The following KRABD5 variants were observed in gnomAD, a reference collection of about 807,000 sequenced individuals.
KRABD5 encodes the protein KRAB domain containing 5.
At chr16:31,740,467 T>A in the KRABD5 span, among the ~76,000 whole-genome samples, 1 of 152,126 alleles carries the variant, frequency 6.6e-6, no homozygotes, top group African/African-American at 2.4e-5. Flanking sequence ...TTTTGTCTTC[T>A]TTTGTTAATT....
chr16:31,748,859 G>A, the KRABD5 span, among the ~76,000 whole-genome samples: 1 of 152,108 alleles, frequency 6.6e-6, no homozygotes, highest in African/African-American at 2.4e-5. Flanking sequence ...TCTGAACTCC[G>A]GGGGGCACCA....
the KRABD5 span, among the ~76,000 whole-genome samples, chr16:31,725,025 C>T: frequency 0.6 from 91,788 of 152,044 alleles, 28,750 homozygotes; most frequent in Middle Eastern, 0.71. Context: ...CTACCTTCTT[C>T]ATTATGCTGA....
At chr16:31,749,527 G>A in the KRABD5 span, among the ~76,000 whole-genome samples, 3 of 152,246 alleles carry the variant, frequency 2.0e-5, no homozygotes, top group Non-Finnish European at 2.9e-5. Flanking sequence ...CCAGCTGAGA[G>A]GCTGTTGAGA....
At chr16:31,753,573 C>T in the KRABD5 span, among the ~76,000 whole-genome samples, 1 of 152,184 alleles carries the variant, frequency 6.6e-6, no homozygotes, top group African/African-American at 2.4e-5. Context: ...CACCTAGGTG[C>T]TGCAAACTCA....
chr16:31,754,263 A>G, the KRABD5 span: 2 of 634,824 alleles, frequency 3.2e-6, no homozygotes, highest in Non-Finnish European at 5.6e-6. Flanking sequence ...ATCTTTGTTA[A>G]AAGTTTGTTT....
At chr16:31,747,802 C>G in the KRABD5 span, among the ~76,000 whole-genome samples, 1 of 152,310 alleles carries the variant, frequency 6.6e-6, no homozygotes, top group South Asian at 2.1e-4. Flanking sequence ...TGAGAAGTGT[C>G]TGTTCATGTC....
chr16:31,727,448 A>C, the KRABD5 span, among the ~76,000 whole-genome samples: 71 of 152,324 alleles, frequency 4.7e-4, no homozygotes, highest in East Asian at 1.7e-3. Flanking sequence ...GAGCGAGGCT[A>C]CCCTGTAGGC....
the KRABD5 span, among the ~76,000 whole-genome samples, chr16:31,750,128 G>C: frequency 6.6e-6 from 1 of 152,142 alleles, no homozygotes; most frequent in African/African-American, 2.4e-5. Context: ...ATTGCTTTGG[G>C]CAGTATGGCC....
At chr16:31,738,449 AAT>A in the KRABD5 span, among the ~76,000 whole-genome samples, 3 of 152,146 alleles carry the variant, frequency 2.0e-5, no homozygotes, top group African/African-American at 7.2e-5. Flanking sequence ...ATAATTATAT[AAT>A]GCTCTTTCTT....
the KRABD5 span, among the ~76,000 whole-genome samples, chr16:31,748,543 C>T: frequency 6.6e-6 from 1 of 152,150 alleles, no homozygotes; most frequent in Non-Finnish European, 1.5e-5. Flanking sequence ...AGAACATGTT[C>T]CTTTAGCTCA....
chr16:31,735,884 T>C, the KRABD5 span, among the ~76,000 whole-genome samples: 1 of 152,242 alleles, frequency 6.6e-6, no homozygotes. Flanking sequence ...CACTCTGTTA[T>C]TTCATTTCAT....
the KRABD5 span, among the ~76,000 whole-genome samples, chr16:31,748,723 G>C: frequency 6.6e-6 from 1 of 152,180 alleles, no homozygotes; most frequent in Admixed American, 6.5e-5. Flanking sequence ...TCATCTCTGT[G>C]AGTTTGTCTA....
the KRABD5 span, among the ~76,000 whole-genome samples, chr16:31,748,104 T>G: frequency 6.6e-6 from 1 of 152,118 alleles, no homozygotes; most frequent in Non-Finnish European, 1.5e-5. Context: ...GGTTTTCTTC[T>G]AGGGTTTTTA....
At chr16:31,742,028 AT>A in the KRABD5 span, among the ~76,000 whole-genome samples, 2 of 152,094 alleles carry the variant, frequency 1.3e-5, no homozygotes, top group Non-Finnish European at 2.9e-5. Flanking sequence ...TCCTAGAACC[AT>A]TTATTAAATA....
the KRABD5 span, among the ~76,000 whole-genome samples, chr16:31,728,321 A>G: frequency 6.6e-6 from 1 of 151,990 alleles, no homozygotes; most frequent in Non-Finnish European, 1.5e-5. Flanking sequence ...TACTATTTTC[A>G]TAATTATGCT....
chr16:31,742,426 C>T, the KRABD5 span, among the ~76,000 whole-genome samples: 1 of 152,052 alleles, frequency 6.6e-6, no homozygotes, highest in Non-Finnish European at 1.5e-5. Flanking sequence ...GTTTTCTGTC[C>T]CTGTGTTAGT....
the KRABD5 span, among the ~76,000 whole-genome samples, chr16:31,747,543 T>C: frequency 6.6e-6 from 1 of 152,340 alleles, no homozygotes; most frequent in South Asian, 2.1e-4. Context: ...TTTCTAGTTC[T>C]AGATCCCTGA....
the KRABD5 span, among the ~76,000 whole-genome samples, chr16:31,734,186 G>A: frequency 1.3e-5 from 2 of 151,032 alleles, no homozygotes; most frequent in Non-Finnish European, 2.9e-5. Context: ...ATTACCTCAT[G>A]TATTTGGTAA....
chr16:31,754,471 T>C, the KRABD5 span: 3 of 648,840 alleles, frequency 4.6e-6, no homozygotes, highest in African/African-American at 5.4e-5. Flanking sequence ...ATCAGTACAA[T>C]AAATCTGATA....
Sources: gnomAD v4.1 joint callset for allele counts (sites outside exome capture counted in the v4.1 genomes callset) on GRCh38, gnomAD v4.1.1 for gene constraint, MANE v1.5 for transcripts, NCBI Gene and HGNC (gene_info 2026-07-23, HGNC 2026-07-21) for gene names.